CADM2: variants seen among roughly 807,000 people sequenced by gnomAD.
CADM2 encodes the protein cell adhesion molecule 2, also known as immunoglobulin superfamily member 4D.
Under a neutral mutation model 49.8 loss-of-function variants are expected in CADM2, and 12 were observed. The ratio of observed to expected loss-of-function variants is 0.24; its 90% CI spans 0.15 to 0.39. The LOEUF (loss-of-function observed/expected upper bound fraction) is 0.39, where lower values mean the gene tolerates loss of function less well. Ranked by LOEUF, CADM2 falls within the 10% of genes least tolerant of loss-of-function variation. CADM2 has a pLI of 1.00. For synonymous variants in CADM2, 214 were observed against 175.4 expected, an observed-to-expected ratio of 1.22 and a Z score of -1.74; for missense variants, 378 against 492.3, an observed-to-expected ratio of 0.77 and a Z score of 2.20.
intron 2 of CADM2, among the ~76,000 whole-genome samples, chr3:85,789,094 A>G (rs1052758121): frequency 2.0e-5 from 3 of 152,050 alleles, no homozygotes; most frequent in Non-Finnish European, 2.9e-5. Context: ...GTTATGTCCC[A>G]CCCAGTCAAT....
intron 1 of CADM2, among the ~76,000 whole-genome samples, chr3:85,436,723 C>G (rs984586035): frequency 6.6e-6 from 1 of 152,096 alleles, no homozygotes; most frequent in Admixed American, 6.6e-5. Context: ...AAGTTTATAG[C>G]AAAAATAAGC....
chr3:85,520,672 A>T (rs1049025607), intron 1 of CADM2, among the ~76,000 whole-genome samples: 3 of 152,052 alleles, frequency 2.0e-5, no homozygotes, highest in Non-Finnish European at 4.4e-5. Flanking sequence ...TCTAGCTTAT[A>T]TCAGAGAGGA....
intron 1 of CADM2, among the ~76,000 whole-genome samples, chr3:85,393,059 G>T (rs947390637): frequency 7.2e-5 from 10 of 138,136 alleles, no homozygotes; most frequent in African/African-American, 2.1e-4. Context: ...AGTTGAAGAA[G>T]AGAAAACCTG....
chr3:85,826,850 C>T (rs1376607336), intron 3 of CADM2, among the ~76,000 whole-genome samples: 2 of 151,850 alleles, frequency 1.3e-5, no homozygotes. Flanking sequence ...TTTGCAGAAT[C>T]GGGCCTCTAC....
At chr3:85,394,533 ACTC>A (rs2034674891) in intron 1 of CADM2, among the ~76,000 whole-genome samples, 1 of 152,084 alleles carries the variant, frequency 6.6e-6, no homozygotes, top group East Asian at 1.9e-4. Context: ...AAAAGCAATA[ACTC>A]CTCTTATCTA....
At chr3:85,765,294 A>G (rs1223187770) in intron 2 of CADM2, among the ~76,000 whole-genome samples, 1 of 152,108 alleles carries the variant, frequency 6.6e-6, no homozygotes, top group East Asian at 1.9e-4. Flanking sequence ...TTTAAAATAG[A>G]TTCTTAAAAT....
chr3:85,939,934 A>G (rs1721656228), intron 7 of CADM2, among the ~76,000 whole-genome samples: 2 of 150,878 alleles, frequency 1.3e-5, no homozygotes, highest in Admixed American at 6.7e-5. Context: ...TTACACATCT[A>G]TTTTTGAAAT....
chr3:86,064,901 T>A (rs1739133077), intron 8 of CADM2, among the ~76,000 whole-genome samples: 1 of 152,232 alleles, frequency 6.6e-6, no homozygotes, highest in Non-Finnish European at 1.5e-5. Context: ...TAAATCTTGA[T>A]GCTGAGTATT....
chr3:86,021,715 A>G (rs1733207547), intron 8 of CADM2, among the ~76,000 whole-genome samples: 1 of 152,220 alleles, frequency 6.6e-6, no homozygotes, highest in Admixed American at 6.5e-5. Flanking sequence ...GGGTTAAATA[A>G]TATTTGATTG....
chr3:85,047,741 T>A (rs1211618937), intron 1 of CADM2, among the ~76,000 whole-genome samples: 6 of 152,154 alleles, frequency 3.9e-5, no homozygotes, highest in Admixed American at 6.6e-5. Flanking sequence ...TATCCAATTC[T>A]TATAAACTAG....
intron 1 of CADM2, among the ~76,000 whole-genome samples, chr3:85,325,081 G>A (rs915528208): frequency 6.6e-6 from 1 of 152,190 alleles, no homozygotes; most frequent in Non-Finnish European, 1.5e-5. Context: ...GCTGCTTTAT[G>A]TTCCACATGA....
rs138900932 is a variant in CADM2 at position 86,045,573 on chromosome 3, A to G, written c.971-20032A>G. On this transcript the variant is annotated intron_variant, in intron 8 of 9. Transcript: ENST00000383699. Reference sequence around the variant, plus strand: ...TGTTCCTTTAAACCGCCCTTCTCCCATTGTTTCAGCAGAACTTGTTTTTAG... The same window carrying G: ...TGTTCCTTTAAACCGCCCTTCTCCCGTTGTTTCAGCAGAACTTGTTTTTAG... 2.6e-5 allele frequency among the ~76,000 whole-genome samples: 4 copies of G among 152,252 alleles called. No individual in the cohort carries two copies. In the East Asian group the frequency reaches 7.7e-4, roughly 29 times the overall value.
At chr3:85,805,532 G>A (rs1203218749) in intron 3 of CADM2, 1 of 152,058 alleles carries the variant, frequency 6.6e-6, no homozygotes, top group Non-Finnish European at 1.5e-5. Context: ...GTTCCCAAGA[G>A]TGGTTCAATT....
At position 85,351,192 on chromosome 3, in the gene CADM2, A is replaced by G. The variant is rs572272596; in HGVS notation, c.62-375330A>G. On this transcript the variant is annotated intron_variant, in intron 1 of 9. Transcript: ENST00000383699. ...CAAATAAAATATTTCTAAATTTGGC[A>G]TGATTGAACTGAAAAAAACAAGGAG... Among the ~76,000 whole-genome samples, 11 of 152,226 alleles carry G rather than the reference A, an allele frequency of 7.2e-5. No individual in the cohort carries two copies. The East Asian group carries it at 1.4e-3, about 19-fold the overall frequency.
chr3:85,248,108 A>T (rs978924232), intron 1 of CADM2, among the ~76,000 whole-genome samples: 2 of 152,160 alleles, frequency 1.3e-5, no homozygotes, highest in Non-Finnish European at 2.9e-5. Flanking sequence ...CAGCAAAAAA[A>T]CCTGAAGTAT....
intron 6 of CADM2, among the ~76,000 whole-genome samples, chr3:85,930,043 T>C (rs2108524576): frequency 6.6e-6 from 1 of 152,138 alleles, no homozygotes; most frequent in South Asian, 2.1e-4. Flanking sequence ...TTAGTGAGTA[T>C]TACTAAAATG....
intron 7 of CADM2, among the ~76,000 whole-genome samples, chr3:85,956,799 G>C (rs917717497): frequency 2.0e-5 from 3 of 151,348 alleles, no homozygotes; most frequent in Admixed American, 1.3e-4. Context: ...TTTGCTTTAA[G>C]ATGAGACAAA....
intron 1 of CADM2, among the ~76,000 whole-genome samples, chr3:85,280,564 T>C (rs1316965052): frequency 6.6e-6 from 1 of 151,792 alleles, no homozygotes; most frequent in Non-Finnish European, 1.5e-5. Context: ...ATCTTTGACT[T>C]TCCTGGATCC....
Position 85,883,329 on chromosome 3 carries a change from T to C in CADM2, c.277T>C (p.Trp93Arg). Reference protein sequence around the residue: ...DNRIELVRASWHELSISVSDV... With the variant: ...DNRIELVRASRHELSISVSDV... ...TAGGATCGAGCTGGTTCGCGCTTCCTGGCATGAATTGAGTATTAGTGTCAG... is the reference window on the plus strand; with the variant it reads ...TAGGATCGAGCTGGTTCGCGCTTCCCGGCATGAATTGAGTATTAGTGTCAG... Residue 93 changes from tryptophan (W) to arginine (R), a missense_variant, in exon 4 of 10, where the codon TGG becomes CGG. Physicochemically the swap from Trp to Arg is moderately radical, Grantham distance 101. Transcript: ENST00000383699. 2 of 1,613,780 alleles carry C rather than the reference T, an allele frequency of 1.2e-6. No homozygotes were observed. Among genetic ancestry groups the C allele is most frequent in the Non-Finnish European group, 1.7e-6 (2 of 1,179,796 alleles).
Sources: allele counts gnomAD v4.1 joint callset (sites outside exome capture counted in the v4.1 genomes callset), GRCh38; gene constraint gnomAD v4.1.1; transcripts MANE v1.5; gene names NCBI Gene and HGNC (gene_info 2026-07-23, HGNC 2026-07-21).